The following TMSB15A variants were observed in gnomAD, a reference collection of about 807,000 sequenced individuals.
The protein encoded by TMSB15A is thymosin beta-15A.
A neutral mutation model predicts 3.2 loss-of-function variants in TMSB15A; 1 was observed. That is an observed-to-expected ratio of 0.32 (90% CI 0.11 to 1.50). The LOEUF (loss-of-function observed/expected upper bound fraction) is 1.50. TMSB15A is among the 40% of genes most tolerant of loss of function. The pLI is 0.39. For missense variants in TMSB15A, 22 were observed against 27.8 expected, an observed-to-expected ratio of 0.79 and a Z score of 0.47; for synonymous variants, 10 against 11.2, an observed-to-expected ratio of 0.90 and a Z score of 0.21.
In TMSB15A at chrX:102,515,083, AT is replaced by A. The variant is rs782090690; in HGVS notation, c.80del (p.Asn27IlefsTer49). ...KLKKTNTEEKNTLPSKETIQQ... is the reference protein window; with the variant it reads ...KLKKTNTEEKXTLPSKETIQQ... ...ACTTACTTTCCTTTGAGGGAAGAGT[AT>A]TTTTTTCTTCAGTATTAGTTTTCTT... On this transcript the variant is annotated frameshift_variant, in exon 2 of 3. Transcript: ENST00000289373. LOFTEE classifies it high-confidence loss of function. 8.3e-7 allele frequency: 1 copy of A among 1,210,863 alleles called. No individual in the cohort carries two copies. Among genetic ancestry groups the A allele is most frequent in the Non-Finnish European group, 1.1e-6 (1 of 895,179 alleles).
At chrX:102,514,953 A>C in intron 2 of TMSB15A, 111 bp downstream of exon 2, 3 of 762,544 alleles carry the variant, frequency 3.9e-6, no homozygotes, top group Non-Finnish European at 5.8e-6. Context: ...ACACCATGGT[A>C]CTCTAATTAT....
Position 102,514,001 on chromosome X carries a change from A to G in TMSB15A, c.*86T>C. ...ATATCCGAAGACGCCTAAAATCTCT[A>G]CAAACACATGGGTTTACAAAAAACA... is the stretch of plus-strand genomic sequence containing the variant. On this transcript the variant is annotated 3_prime_UTR_variant, in exon 3 of 3. Transcript: ENST00000289373. 1 of 1,094,569 alleles carries G rather than the reference A, an allele frequency of 9.1e-7. No individual in the cohort carries two copies. Among genetic ancestry groups the G allele is most frequent in the Non-Finnish European group, 1.3e-6 (1 of 790,656 alleles). 90.2% of individuals were successfully genotyped at this position (1,094,569 alleles called of 1,213,427 possible). A position where few individuals can be genotyped will look rare whatever the true frequency, so the allele number is the denominator to read the frequency against.
intron 2 of TMSB15A, 87 bp from the exon 3 acceptor site, chrX:102,514,211 G>A: frequency 9.4e-7 from 1 of 1,067,488 alleles, no homozygotes; most frequent in South Asian, 1.9e-5. Flanking sequence ...CTAAGTCATC[G>A]AAGTCTGCAT....
intron 1 of TMSB15A, among the ~76,000 whole-genome samples, chrX:102,515,936 G>A (rs1355911857): frequency 5.4e-5 from 6 of 111,519 alleles, no homozygotes. Context: ...AATGCCTGGT[G>A]CCCTGTAAGC....
Position 102,515,195 on chromosome X carries a change from C to T in TMSB15A, c.-17-15G>A, listed in dbSNP as rs782743129. ...TAGAAGATAGCCTGAAAAGAATAAA[C>T]ATTTTTAAGAAAACTTACCTGGCAG... On this transcript the variant is annotated splice_polypyrimidine_tract_variant and intron_variant, in intron 1 of 2. Coordinates refer to ENST00000289373, the MANE Select transcript of TMSB15A (RefSeq NM_021992.3). 8.4e-7 allele frequency: 1 copy of T among 1,196,504 alleles called. No individual in the cohort carries two copies. The highest frequency in any genetic ancestry group is 1.1e-6 in the Non-Finnish European group (1 of 888,261).
chrX:102,515,081 G>C lies in TMSB15A; in HGVS notation c.83C>G (p.Thr28Ser). 1 of 1,210,901 alleles carries C rather than the reference G, an allele frequency of 8.3e-7. No homozygotes were observed. The highest frequency in any genetic ancestry group is 3.0e-5 in the East Asian group (1 of 33,806). ...TGACTTACTTTCCTTTGAGGGAAGA[G>C]TATTTTTTTCTTCAGTATTAGTTTT... ...LKKTNTEEKNTLPSKETIQQE... is the reference protein window; with the variant it reads ...LKKTNTEEKNSLPSKETIQQE... The change falls in exon 2 of 3, where the codon ACT (threonine) becomes AGT (serine). Residue 28 changes from threonine (T) to serine (S), a missense_variant. Physicochemically the swap from Thr to Ser is moderately conservative, Grantham distance 58. Transcript: ENST00000289373.
intron 1 of TMSB15A, among the ~76,000 whole-genome samples, chrX:102,515,749 T>C (rs782582883): frequency 1.1e-3 from 125 of 111,110 alleles, no homozygotes; most frequent in African/African-American, 3.7e-3. Flanking sequence ...TCATAATAGC[T>C]CCTTGTGGCA....
chrX:102,514,599 T>C (rs1168857111), intron 2 of TMSB15A, among the ~76,000 whole-genome samples: 1 of 111,473 alleles, frequency 9.0e-6, no homozygotes, highest in Non-Finnish European at 1.9e-5. Context: ...ATCCCTTGAG[T>C]CTGTGAGCCC....
chrX:102,514,727 G>A (rs781970494), intron 2 of TMSB15A, among the ~76,000 whole-genome samples: 1 of 111,998 alleles, frequency 8.9e-6, no homozygotes. Flanking sequence ...CCAAACTGAT[G>A]GATGCAGAAA....
chrX:102,515,895 G>C (rs892003545), intron 1 of TMSB15A, among the ~76,000 whole-genome samples: 1 of 111,688 alleles, frequency 9.0e-6, no homozygotes, highest in African/African-American at 3.3e-5. Context: ...AAGAGATGAG[G>C]CTTAGAGGTG....
Position 102,513,908 on chromosome X carries a change from G to A in TMSB15A, c.*179C>T. 1.9e-6 allele frequency: 1 copy of A among 514,322 alleles called. No homozygotes were observed. The highest frequency in any genetic ancestry group is 3.1e-5 in the South Asian group (1 of 32,574). 42.4% of individuals were successfully genotyped at this position (514,322 alleles called of 1,213,427 possible). ...TCTGGAACATATGCACCAATGGTAAGTTTAAAAATGAATTTAAGGAAACAT... is the reference window on the plus strand; with the variant it reads ...TCTGGAACATATGCACCAATGGTAAATTTAAAAATGAATTTAAGGAAACAT... On this transcript the variant is annotated 3_prime_UTR_variant, in exon 3 of 3. Transcript: ENST00000289373.
intron 2 of TMSB15A, among the ~76,000 whole-genome samples, 163 bp downstream of exon 2, chrX:102,514,901 A>G (rs980913426): frequency 9.0e-6 from 1 of 111,657 alleles, no homozygotes; most frequent in Non-Finnish European, 1.9e-5. Flanking sequence ...ATATAACCCA[A>G]GTAGGAAGAT....
In TMSB15A at chrX:102,515,178, A is replaced by C; in HGVS notation, c.-15T>G. The C allele has an allele frequency of 8.3e-7, 1 of 1,205,288 alleles. No homozygotes were observed. Among genetic ancestry groups the C allele is most frequent in the Non-Finnish European group, 1.1e-6 (1 of 892,212 alleles). Reference sequence around the variant, plus strand: ...TTATCACTCATCTTGACTAGAAGATAGCCTGAAAAGAATAAACATTTTTAA... The same window carrying C: ...TTATCACTCATCTTGACTAGAAGATCGCCTGAAAAGAATAAACATTTTTAA... On this transcript the variant is annotated splice_region_variant and 5_prime_UTR_variant, in exon 2 of 3. Transcript: ENST00000289373.
rs782183922 is a variant in TMSB15A, at chrX:102,515,135, A to G, written c.29T>C (p.Val10Ala). The G allele has an allele frequency of 8.3e-7, 1 of 1,209,273 alleles. No homozygotes were observed. The highest frequency in any genetic ancestry group is 1.8e-5 in the African/African-American group (1 of 56,975). Residue 10 changes from valine (V) to alanine (A), a missense_variant, in exon 2 of 3, where the codon GTG (valine) becomes GCG (alanine). By Grantham distance (64) the Val-to-Ala change is moderately conservative. Coordinates refer to ENST00000289373, the MANE Select transcript of TMSB15A (RefSeq NM_021992.3). MSDKPDLSE[V>A]EKFDRSKLKK... The stretch of plus-strand genomic sequence containing the variant: ...CAGTTTTGACCTGTCAAACTTCTCC[A>G]CTTCCGACAAGTCTGGCTTATCACT...
chrX:102,514,067 G>A lies in TMSB15A; in HGVS notation c.*20C>T. On this transcript the variant is annotated 3_prime_UTR_variant, in exon 3 of 3. Coordinates refer to ENST00000289373, the MANE Select transcript of TMSB15A (RefSeq NM_021992.3). ...CTCTCAGGTAATGTCGAAATCTGCTGTTGGGAGGCGATCCCCATTTTATGA... is the reference window on the plus strand; with the variant it reads ...CTCTCAGGTAATGTCGAAATCTGCTATTGGGAGGCGATCCCCATTTTATGA... 3.3e-6 allele frequency: 4 copies of A among 1,210,064 alleles called. No individual in the cohort carries two copies. The highest frequency in any genetic ancestry group is 4.5e-6 in the Non-Finnish European group (4 of 894,077).
chrX:102,515,749 TC>T (rs1243596922), intron 1 of TMSB15A, among the ~76,000 whole-genome samples: 1 of 111,074 alleles, frequency 9.0e-6, no homozygotes, highest in Non-Finnish European at 1.9e-5. Flanking sequence ...TCATAATAGC[TC>T]CTTGTGGCAT....
At chrX:102,514,486 G>T (rs1232162191) in intron 2 of TMSB15A, among the ~76,000 whole-genome samples, 1 of 111,873 alleles carries the variant, frequency 8.9e-6, no homozygotes, top group Non-Finnish European at 1.9e-5. Context: ...ACTAACTTTG[G>T]AACTCTCAAA....
intron 1 of TMSB15A, among the ~76,000 whole-genome samples, chrX:102,516,121 T>C (rs1461950813): frequency 9.0e-6 from 1 of 110,553 alleles, no homozygotes; most frequent in Admixed American, 9.5e-5. Context: ...TTCCGTCGAG[T>C]TTACCCTAAG....
rs1934900694 is a variant in TMSB15A at position 102,516,725 on chromosome X, G to C, written c.-77C>G. 1 of 111,332 alleles carries C rather than the reference G, an allele frequency of 9.0e-6. No homozygotes were observed. The highest frequency in any genetic ancestry group is 3.8e-4 in the South Asian group (1 of 2,604). 9.2% of individuals were successfully genotyped at this position (111,332 alleles called of 1,213,427 possible). A position where few individuals can be genotyped will look rare whatever the true frequency, so the allele number is the denominator to read the frequency against. Reference sequence around the variant, plus strand: ...GGGGCTGAGACCCAGACTCGCTCCGGACCAGGTTAGCGTTCCCGCGCAGAG... The same window carrying C: ...GGGGCTGAGACCCAGACTCGCTCCGCACCAGGTTAGCGTTCCCGCGCAGAG... On this transcript the variant is annotated 5_prime_UTR_variant, in exon 1 of 3. Coordinates refer to ENST00000289373, the MANE Select transcript of TMSB15A (RefSeq NM_021992.3).
Sources: allele counts gnomAD v4.1 joint callset (sites outside exome capture counted in the v4.1 genomes callset), GRCh38; gene constraint gnomAD v4.1.1; transcripts MANE v1.5; gene names NCBI Gene and HGNC (gene_info 2026-07-23, HGNC 2026-07-21).